TRMT11: variants seen among roughly 807,000 people sequenced by gnomAD.
The protein encoded by TRMT11 is tRNA (guanine(10)-N(2))-methyltransferase TRMT11.
A neutral mutation model predicts 62.8 loss-of-function variants in TRMT11; 53 were observed. The ratio of observed to expected loss-of-function variants is 0.84; its 90% confidence interval spans 0.68 to 1.06. TRMT11 has a LOEUF of 1.06. TRMT11 is among the 50% of genes least tolerant of loss of function. The pLI is 0.00. For missense variants in TRMT11, 556 were observed against 553.4 expected, an observed-to-expected ratio of 1.00 and a Z score of -0.05; for synonymous variants, 188 against 190.3, an observed-to-expected ratio of 0.99 and a Z score of 0.10.
At chr6:126,149,675 C>T (rs1402326435) in intron 21 of TRMT11, among the ~76,000 whole-genome samples, 1 of 152,164 alleles carries the variant, frequency 6.6e-6, no homozygotes, top group Non-Finnish European at 1.5e-5. Flanking sequence ...TAGGAGTTCT[C>T]AACCCAGAGC....
chr6:126,076,656 A>T (rs962375550), intron 17 of TRMT11, among the ~76,000 whole-genome samples: 4 of 152,172 alleles, frequency 2.6e-5, no homozygotes, highest in Non-Finnish European at 5.9e-5. Flanking sequence ...CCCATTGCCT[A>T]AAAAAGTACT....
chr6:126,119,310 T>C (rs73579821), intron 21 of TRMT11, among the ~76,000 whole-genome samples: 1 of 152,234 alleles, frequency 6.6e-6, no homozygotes, highest in African/African-American at 2.4e-5. Context: ...CTGAACCTTC[T>C]GTTCCCATTA....
intron 21 of TRMT11, among the ~76,000 whole-genome samples, chr6:126,122,095 G>A (rs900815376): frequency 2.0e-5 from 3 of 152,030 alleles, no homozygotes; most frequent in Non-Finnish European, 4.4e-5. Flanking sequence ...TTATAAAGGG[G>A]CGTTCCCCTG....
chr6:126,161,241 C>T (rs975496537), intron 21 of TRMT11, among the ~76,000 whole-genome samples: 1 of 152,012 alleles, frequency 6.6e-6, no homozygotes, highest in Non-Finnish European at 1.5e-5. Flanking sequence ...GTCCCCCAAC[C>T]CCCCTACAGG....
chr6:126,042,848 G>A (rs1775919891), downstream of TRMT11, among the ~76,000 whole-genome samples: 1 of 152,136 alleles, frequency 6.6e-6, no homozygotes, highest in Non-Finnish European at 1.5e-5. Context: ...GTTGTGCTTT[G>A]ATGGACTGCC....
intron 21 of TRMT11, among the ~76,000 whole-genome samples, chr6:126,135,815 T>C (rs1390610682): frequency 6.6e-6 from 1 of 151,842 alleles, no homozygotes; most frequent in Non-Finnish European, 1.5e-5. Flanking sequence ...ACCTCATAGA[T>C]GCAAAGACAG....
At chr6:126,119,260 A>T (rs1777622391) in intron 21 of TRMT11, among the ~76,000 whole-genome samples, 1 of 152,102 alleles carries the variant, frequency 6.6e-6, no homozygotes, top group South Asian at 2.1e-4. Flanking sequence ...AATTTTCCTT[A>T]AAAGTTCATG....
rs1042400622 is a variant in TRMT11 at position 126,026,928 on chromosome 6, A to G, written c.1260+5648A>G. ...CGCCATTCTCCTGCCTCAGCCTCCC[A>G]AGTAGCTGGGACTACAGGCGCCTGC... On this transcript the variant is annotated intron_variant, in intron 12 of 12. Transcript: ENST00000334379. 2.1e-5 allele frequency among the ~76,000 whole-genome samples: 3 copies of G among 145,660 alleles called. No homozygotes were observed. The South Asian group carries it at 6.5e-4, about 32-fold the overall frequency.
At chr6:126,225,696 T>A in the TRMT11 span, among the ~76,000 whole-genome samples, 3 of 83,370 alleles carry the variant, frequency 3.6e-5, no homozygotes, top group African/African-American at 9.4e-5. Flanking sequence ...TTTTTTTTTT[T>A]TTTTTTTTTT....
chr6:126,072,491 GCTTA>G (rs749944523), intron 17 of TRMT11, among the ~76,000 whole-genome samples: 12 of 152,188 alleles, frequency 7.9e-5, no homozygotes, highest in Admixed American at 6.5e-4. Flanking sequence ...TTCAAAAAAT[GCTTA>G]CTGAGTTGAA....
At chr6:126,063,310 T>C (rs539865063) in intron 17 of TRMT11, among the ~76,000 whole-genome samples, 15 of 152,346 alleles carry the variant, frequency 9.8e-5, no homozygotes, top group African/African-American at 3.1e-4. Context: ...TGAGAAGATA[T>C]GTTAAAGTTT....
chr6:126,066,380 G>A (rs771348314), intron 17 of TRMT11, among the ~76,000 whole-genome samples: 49 of 152,318 alleles, frequency 3.2e-4, no homozygotes, highest in Admixed American at 9.2e-4. Context: ...TCTAGAAGCT[G>A]GACGTCCAAG....
At chr6:126,210,921 C>G in the TRMT11 span, among the ~76,000 whole-genome samples, 1 of 151,862 alleles carries the variant, frequency 6.6e-6, no homozygotes, top group Admixed American at 6.6e-5. Flanking sequence ...TCTACTCTAT[C>G]CCCCACAAGT....
chr6:125,999,345 G>T, intron 6 of TRMT11, 112 bp from the exon 7 acceptor site: 1 of 712,216 alleles, frequency 1.4e-6, no homozygotes, highest in Non-Finnish European at 2.2e-6. Context: ...GTTTAGAGCA[G>T]TAATAAGTGG....
chr6:126,240,838 G>A, the TRMT11 span, among the ~76,000 whole-genome samples: 1 of 152,352 alleles, frequency 6.6e-6, no homozygotes, highest in East Asian at 1.9e-4. Flanking sequence ...AGGCCTCCTT[G>A]AGCCGCGGTG....
At chr6:126,205,225 C>G (rs187744602), downstream of TRMT11, among the ~76,000 whole-genome samples, 44 of 152,290 alleles carry the variant, frequency 2.9e-4, 1 homozygote, top group African/African-American at 1.0e-3. Context: ...AGAATTAAGG[C>G]CAGGTGCAGT....
intron 11 of TRMT11, among the ~76,000 whole-genome samples, chr6:126,014,721 AAG>A (rs1034466945): frequency 1.3e-5 from 2 of 152,236 alleles, no homozygotes; most frequent in African/African-American, 4.8e-5. Flanking sequence ...ATCAGCTGAT[AAG>A]AGAGAATACA....
intron 16 of TRMT11, among the ~76,000 whole-genome samples, chr6:126,050,501 G>A (rs769704848): frequency 2.0e-5 from 3 of 152,066 alleles, no homozygotes; most frequent in African/African-American, 7.2e-5. Flanking sequence ...CCAGGATTAC[G>A]AGACCAGCGT....
chr6:126,210,919 AT>A, the TRMT11 span, among the ~76,000 whole-genome samples: 2 of 151,080 alleles, frequency 1.3e-5, no homozygotes, highest in African/African-American at 2.4e-5. Flanking sequence ...CATCTACTCT[AT>A]CCCCCACAAG....
Sources: gnomAD v4.1 joint callset for allele counts (sites outside exome capture counted in the v4.1 genomes callset) on GRCh38, gnomAD v4.1.1 for gene constraint, MANE v1.5 for transcripts, NCBI Gene and HGNC (gene_info 2026-07-23, HGNC 2026-07-21) for gene names.